ZPBP2: variants seen among roughly 807,000 people sequenced by gnomAD.
ZPBP2 encodes the protein zona pellucida-binding protein 2.
A neutral mutation model predicts 37.5 loss-of-function variants in ZPBP2; 34 were observed. The ratio of observed to expected loss-of-function variants is 0.91; its 90% CI spans 0.69 to 1.21. The LOEUF is 1.21. ZPBP2 is among the 50% of genes most tolerant of loss of function. ZPBP2 has a pLI of 0.00. For synonymous variants in ZPBP2, 143 were observed against 138.4 expected, an observed-to-expected ratio of 1.03 and a Z score of -0.23; for missense variants, 397 against 413.5, an observed-to-expected ratio of 0.96 and a Z score of 0.35.
chr17:39,872,976 G>A (rs1042890342), intron 5 of ZPBP2, 68 bp from the exon 6 acceptor site: 4 of 1,416,132 alleles, frequency 2.8e-6, no homozygotes, highest in South Asian at 1.2e-5. Context: ...TCAGCACTTG[G>A]ACCTTTATTG....
At chr17:39,875,478 CAGAA>C in intron 7 of ZPBP2, 44 bp downstream of exon 7, 1 of 1,403,570 alleles carries the variant, frequency 7.1e-7, no homozygotes, top group Non-Finnish European at 9.5e-7. Context: ...GTTATAGAGT[CAGAA>C]GAATATATAA....
intron 6 of ZPBP2, among the ~76,000 whole-genome samples, chr17:39,874,836 C>T (rs548381707): frequency 2.0e-4 from 30 of 152,226 alleles, no homozygotes; most frequent in Non-Finnish European, 4.1e-4. Context: ...CTGCAACCTC[C>T]GCCTCCGAGG....
At position 39,876,699 on chromosome 17, in the gene ZPBP2, A is replaced by C. The variant is rs747520616; in HGVS notation, c.907A>C (p.Thr303Pro). The stretch of plus-strand genomic sequence containing the variant: ...CTCTGCAGTGGTTTGTAGTCCTGCG[A>C]CTTTTAGTCCTGATGTTAATGTAAC... Reference protein sequence around the residue: ...ASCCVVCSPATFSPDVNVTCQ... With the variant: ...ASCCVVCSPAPFSPDVNVTCQ... The change falls in exon 8 of 8, where the codon ACT (threonine) becomes CCT (proline). Residue 303 changes from threonine (T) to proline (P), a missense_variant. By Grantham distance (38) the Thr-to-Pro change is conservative. Transcript: ENST00000348931. 6.2e-7 allele frequency: 1 copy of C among 1,613,904 alleles called. No individual in the cohort carries two copies. Among genetic ancestry groups the C allele is most frequent in the South Asian group, 1.1e-5 (1 of 91,074 alleles).
At chr17:39,871,439 A>G in intron 3 of ZPBP2, 25 bp from the exon 4 acceptor site, 1 of 1,495,272 alleles carries the variant, frequency 6.7e-7, no homozygotes, top group Non-Finnish European at 9.0e-7. Flanking sequence ...TATATGTTAA[A>G]TAAGTAATTT....
rs2063364798 is a variant in ZPBP2 at position 39,871,578 on chromosome 17, C to A, written c.359C>A (p.Thr120Asn). Residue 120 changes from threonine to asparagine, a missense_variant, in exon 4 of 8, where the codon ACT (threonine) becomes AAT (asparagine). Physicochemically the swap from Thr to Asn is moderately conservative, Grantham distance 65. Transcript: ENST00000348931. ...TLSYKTVKAETQEEKTVKKRY... is the reference protein window; with the variant it reads ...TLSYKTVKAENQEEKTVKKRY... Reference sequence around the variant, plus strand: ...TCTTATAAGACTGTTAAAGCAGAAACTCAAGAAGAAAAAACAGTCAAAAAG... The same window carrying A: ...TCTTATAAGACTGTTAAAGCAGAAAATCAAGAAGAAAAAACAGTCAAAAAG... 6.3e-7 allele frequency: 1 copy of A among 1,596,474 alleles called. No homozygotes were observed. The highest frequency in any genetic ancestry group is 1.8e-5 in the Admixed American group (1 of 56,844).
chr17:39,870,707 A>C lies in ZPBP2; in HGVS notation c.132A>C (p.Val44=). 7.0e-7 allele frequency: 1 copy of C among 1,437,774 alleles called. No individual in the cohort carries two copies. Among genetic ancestry groups the C allele is most frequent in the East Asian group, 2.4e-5 (1 of 42,290 alleles). The allele number at this position is 1,437,774 out of a possible 1,614,324, so 89.1% of individuals were successfully genotyped here. A position where few individuals can be genotyped will look rare whatever the true frequency, so the allele number is the denominator to read the frequency against. The change falls in exon 3 of 8, where the codon GTA becomes GTC. Residue 44 remains valine (V), a synonymous_variant. Transcript: ENST00000348931. ...GKTGQPDKIY[V]ELHQNSPVLI... is the part of the protein sequence containing the mutation. ...ATTTCATCACAGACAAAATATATGT[A>C]GAGTTACATCAAAATAGTCCAGTCC... is the stretch of plus-strand genomic sequence containing the variant.
rs1447973821 is a variant in ZPBP2 at position 39,868,553 on chromosome 17, A to G, written c.57A>G (p.Gln19=). The part of the protein sequence containing the change: ...SAVLWCLTGV[Q]CPRFTLFNKK... ...AGTGTTTTATTTCCTCCGCAGTCCA[A>G]TGCCCGCGTTTTACCTTATTCAATA... The change falls in exon 2 of 8, where the codon CAA becomes CAG. Residue 19 remains glutamine (Q), a synonymous_variant. Transcript: ENST00000348931. 2 of 1,614,080 alleles carry G rather than the reference A, an allele frequency of 1.2e-6. No individual in the cohort carries two copies. The highest frequency in any genetic ancestry group is 2.2e-5 in the East Asian group (1 of 44,870).
In ZPBP2 at chr17:39,871,487, GA is replaced by G; in HGVS notation, c.271del (p.Thr91LeufsTer4). 2 of 1,593,672 alleles carry G rather than the reference GA, an allele frequency of 1.3e-6. No homozygotes were observed. Among genetic ancestry groups the G allele is most frequent in the Non-Finnish European group, 1.7e-6 (2 of 1,172,534 alleles). On this transcript the variant is annotated frameshift_variant, in exon 4 of 8. Transcript: ENST00000348931. LOFTEE classifies it high-confidence loss of function. ...LTGNNRINIT[E>X]TGQLMVKDFL... ...AGGAAATAATAGAATAAATATAACT[GA>G]AACTGGACAGCTGATGGTGAAAGAT...
At position 39,869,929 on chromosome 17, in the gene ZPBP2, G is replaced by A. The variant is rs143370534; in HGVS notation, c.119-765G>A. On this transcript the variant is annotated intron_variant, in intron 2 of 7. Transcript: ENST00000348931. Reference sequence around the variant, plus strand: ...GGGGTTTCACCACGTTGGTCAGGCTGGTATTGAACTCCTGAGCTAGGTGAC... The same window carrying A: ...GGGGTTTCACCACGTTGGTCAGGCTAGTATTGAACTCCTGAGCTAGGTGAC... Among the ~76,000 whole-genome samples, 170 of 151,402 alleles carry A rather than the reference G, an allele frequency of 1.1e-3. 1 individual carries two copies. Among genetic ancestry groups the A allele is most frequent in the African/African-American group, 3.8e-3 (158 of 41,216 alleles).
At chr17:39,874,509 T>G (rs1173638370) in intron 6 of ZPBP2, among the ~76,000 whole-genome samples, 1 of 152,196 alleles carries the variant, frequency 6.6e-6, no homozygotes, top group Non-Finnish European at 1.5e-5. Flanking sequence ...CTCAGCTCAC[T>G]GCAACCTCTG....
Position 39,875,715 on chromosome 17 carries a change from CAG to C in ZPBP2, c.889+282_889+283del, listed in dbSNP as rs559825097. ...CAGGGTTCAAGTGATTCTTCTGCCT[CAG>C]CCTCCCCAGTAGCTACCACAGCTGG... On this transcript the variant is annotated intron_variant, in intron 7 of 7. Transcript: ENST00000348931. Among the ~76,000 whole-genome samples, 356 of 151,500 alleles carry C rather than the reference CAG, an allele frequency of 2.3e-3. 1 individual carries two copies. Among genetic ancestry groups the C allele is most frequent in the African/African-American group, 8.3e-3 (344 of 41,222 alleles).
At chr17:39,869,565 T>G (rs1009980784) in intron 2 of ZPBP2, among the ~76,000 whole-genome samples, 1 of 143,184 alleles carries the variant, frequency 7.0e-6, no homozygotes, top group African/African-American at 3.0e-5. Context: ...CCACCACGCC[T>G]GGCTAATTTC....
At position 39,872,368 on chromosome 17, in the gene ZPBP2, A is replaced by C; in HGVS notation, c.505A>C (p.Lys169Gln). ...YNDVFFRVLK[K>Q]ILDSLISDLS... ...TGATGTATTCTTTAGAGTGCTGAAGAAAATCTTGGATAGTCTAATTTCTGA... is the reference window on the plus strand; with the variant it reads ...TGATGTATTCTTTAGAGTGCTGAAGCAAATCTTGGATAGTCTAATTTCTGA... Residue 169 changes from lysine to glutamine, a missense_variant, in exon 5 of 8, where the codon AAA becomes CAA. By Grantham distance (53) the Lys-to-Gln change is moderately conservative. Coordinates refer to ENST00000348931, the MANE Select transcript of ZPBP2 (RefSeq NM_199321.3). 6.2e-7 allele frequency: 1 copy of C among 1,613,542 alleles called. No homozygotes were observed. Among genetic ancestry groups the C allele is most frequent in the Non-Finnish European group, 8.5e-7 (1 of 1,179,702 alleles).
Position 39,876,965 on chromosome 17 carries a change from C to T in ZPBP2, c.*156C>T. ...ACTTTAAAATAAATGGTTAACATGG[C>T]ATTTCTAAGAAGGCATTTAATCCAG... On this transcript the variant is annotated 3_prime_UTR_variant, in exon 8 of 8. Coordinates refer to ENST00000348931, the MANE Select transcript of ZPBP2 (RefSeq NM_199321.3). 2 of 857,496 alleles carry T rather than the reference C, an allele frequency of 2.3e-6. No individual in the cohort carries two copies. The highest frequency in any genetic ancestry group is 3.5e-6 in the Non-Finnish European group (2 of 568,692). 53.1% of individuals were successfully genotyped at this position (857,496 alleles called of 1,614,324 possible). A position where few individuals can be genotyped will look rare whatever the true frequency, so the allele number is the denominator to read the frequency against.
chr17:39,875,477 T>C, intron 7 of ZPBP2, 43 bp downstream of exon 7: 1 of 1,416,296 alleles, frequency 7.1e-7, no homozygotes, highest in Non-Finnish European at 9.4e-7. Context: ...GGTTATAGAG[T>C]CAGAAGAATA....
intron 7 of ZPBP2, among the ~76,000 whole-genome samples, chr17:39,875,883 C>CAT (rs1555647948): frequency 1.6e-5 from 1 of 63,770 alleles, no homozygotes; most frequent in Non-Finnish European, 3.3e-5. Flanking sequence ...TGCTTGGCCC[C>CAT]TTTTTTTTTT....
chr17:39,870,176 T>C (rs1465427835), intron 2 of ZPBP2, among the ~76,000 whole-genome samples: 1 of 152,192 alleles, frequency 6.6e-6, no homozygotes, highest in African/African-American at 2.4e-5. Context: ...CCCGGGTAGC[T>C]GGGATTATAG....
rs1204123763 is a variant in ZPBP2, at chr17:39,877,382, CTAT to C, written c.*579_*581del. 2 of 152,112 alleles carry C rather than the reference CTAT, an allele frequency of 1.3e-5. No individual in the cohort carries two copies. Among genetic ancestry groups the C allele is most frequent in the Non-Finnish European group, 2.9e-5 (2 of 68,032 alleles). The allele number at this position is 152,112 out of a possible 1,614,324, so 9.4% of individuals were successfully genotyped here. A position where few individuals can be genotyped will look rare whatever the true frequency, so the allele number is the denominator to read the frequency against. On this transcript the variant is annotated 3_prime_UTR_variant, in exon 8 of 8. Transcript: ENST00000348931. ...CTCATTCCTCCTTACACAATTTCTC[CTAT>C]TATTAAGATGGTGCATTAGTGTGGC...
In ZPBP2 at chr17:39,876,653, A is replaced by G. The variant is rs781333625; in HGVS notation, c.890-29A>G. The G allele has an allele frequency of 2.5e-6, 4 of 1,610,494 alleles. No homozygotes were observed. In the South Asian group the frequency reaches 3.3e-5, roughly 13 times the overall value. On this transcript the variant is annotated intron_variant, in intron 7 of 7. Transcript: ENST00000348931. ...TAGAGGCATAAAATATCTCTAAATT[A>G]TAATTACTCCCTGTGTTTTCCTCTG... is the stretch of plus-strand genomic sequence containing the variant.
Sources: allele counts gnomAD v4.1 joint callset (sites outside exome capture counted in the v4.1 genomes callset), GRCh38; gene constraint gnomAD v4.1.1; transcripts MANE v1.5; gene names NCBI Gene and HGNC (gene_info 2026-07-23, HGNC 2026-07-21).